BICRAL: variants seen among roughly 807,000 people sequenced by gnomAD.
BICRAL encodes the protein BICRA like chromatin remodeling complex associated protein.
A neutral mutation model predicts 91.8 loss-of-function variants in BICRAL; 8 were observed. The observed-to-expected ratio is 0.09, with a 90% CI of 0.05 to 0.16. The LOEUF (loss-of-function observed/expected upper bound fraction) is 0.16, where lower values mean the gene tolerates loss of function less well. Ranked by LOEUF, BICRAL falls within the 10% of genes least tolerant of loss-of-function variation. The pLI is 1.00. For synonymous variants in BICRAL, 445 were observed against 491.1 expected, an observed-to-expected ratio of 0.91 and a Z score of 1.24; for missense variants, 1,038 against 1,310.9, an observed-to-expected ratio of 0.79 and a Z score of 3.21.
intron 1 of BICRAL, among the ~76,000 whole-genome samples, chr6:42,794,536 G>A (rs1763366844): frequency 6.6e-6 from 1 of 151,754 alleles, no homozygotes; most frequent in Non-Finnish European, 1.5e-5. Flanking sequence ...GACTACAGGT[G>A]TACTCCACCA....
chr6:42,760,070 G>A (rs913144485), intron 1 of BICRAL, among the ~76,000 whole-genome samples: 3 of 149,282 alleles, frequency 2.0e-5, no homozygotes, highest in African/African-American at 7.4e-5. Context: ...CATGGTGAAA[G>A]CCCGTCTGTA....
At chr6:42,799,486 G>A (rs906517228) in intron 1 of BICRAL, among the ~76,000 whole-genome samples, 9 of 151,720 alleles carry the variant, frequency 5.9e-5, no homozygotes, top group African/African-American at 1.9e-4. Context: ...AGTAGAGATG[G>A]GGTTTCACCG....
chr6:42,830,635 G>A (rs1444769765), intron 6 of BICRAL, among the ~76,000 whole-genome samples: 1 of 152,082 alleles, frequency 6.6e-6, no homozygotes, highest in East Asian at 1.9e-4. Context: ...GGGGGCAGGG[G>A]TAGGGGGTCT....
At chr6:42,828,281 G>A (rs1197226633) in intron 5 of BICRAL, among the ~76,000 whole-genome samples, 2 of 151,778 alleles carry the variant, frequency 1.3e-5, no homozygotes. Flanking sequence ...GGCGCCTGTA[G>A]TCCCAGCTAC....
chr6:42,784,066 C>T (rs911361875), intron 1 of BICRAL, among the ~76,000 whole-genome samples: 7 of 152,276 alleles, frequency 4.6e-5, no homozygotes, highest in Non-Finnish European at 1.0e-4. Context: ...TCTAAAACAA[C>T]CCTGAGGAGA....
chr6:42,841,490 C>T (rs912898628), intron 6 of BICRAL, among the ~76,000 whole-genome samples: 7 of 152,026 alleles, frequency 4.6e-5, no homozygotes, highest in Non-Finnish European at 8.8e-5. Flanking sequence ...CCCTGCCAAT[C>T]GCTCTGAATT....
intron 7 of BICRAL, chr6:42,852,521 G>T (rs1318172084): frequency 4.7e-6 from 2 of 422,360 alleles, no homozygotes; most frequent in East Asian, 6.5e-5. Flanking sequence ...AATTAGCCAG[G>T]CATGGTGGCA....
chr6:42,749,321 A>G (rs540739607), intron 1 of BICRAL, among the ~76,000 whole-genome samples: 4 of 152,220 alleles, frequency 2.6e-5, no homozygotes, highest in Admixed American at 6.5e-5. Flanking sequence ...TCTCACTCGT[A>G]TGTGGGAACT....
chr6:42,763,070 A>G (rs1267811552), intron 1 of BICRAL, among the ~76,000 whole-genome samples: 1 of 152,218 alleles, frequency 6.6e-6, no homozygotes, highest in Non-Finnish European at 1.5e-5. Flanking sequence ...AGTAGAACAG[A>G]TTCTCTGGGT....
intron 12 of BICRAL, among the ~76,000 whole-genome samples, chr6:42,863,066 T>C (rs1765602189): frequency 1.3e-5 from 2 of 151,196 alleles, no homozygotes; most frequent in South Asian, 2.1e-4. Context: ...TTTTTTTTTT[T>C]TGAGACGGAG....
In BICRAL at chr6:42,822,844, T is replaced by C. The variant is rs778035209; in HGVS notation, c.90T>C (p.Ser30=). Residue 30 remains serine (S), a splice_region_variant and synonymous_variant, in exon 4 of 13, where the codon TCT becomes TCC. Transcript: ENST00000314073. Reference sequence around the variant, plus strand: ...TTCTACATGGACCTAGTAATAAATCTGTAAGTAATGCATAGAATACCACAG... The same window carrying C: ...TTCTACATGGACCTAGTAATAAATCCGTAAGTAATGCATAGAATACCACAG... ...NYFLHGPSNK[S]SNDDLTNAGY... 4 of 1,555,520 alleles carry C rather than the reference T, an allele frequency of 2.6e-6. No homozygotes were observed. The highest frequency in any genetic ancestry group is 4.5e-5 in the East Asian group (2 of 44,528).
chr6:42,859,094 CAG>C lies in BICRAL; in HGVS notation c.2255-1167_2255-1166del, dbSNP rs200083445. On this transcript the variant is annotated intron_variant, in intron 10 of 12. Coordinates refer to ENST00000314073, the MANE Select transcript of BICRAL (RefSeq NM_001393499.1). ...AATAGGGTCAAGATCCAGCGTTAAA[CAG>C]GGGGTGTGAAAGGGCTGGGCATGGT... 8.0e-3 allele frequency among the ~76,000 whole-genome samples: 1,221 copies of C among 152,106 alleles called. 16 individuals carry two copies. Among genetic ancestry groups the C allele is most frequent in the African/African-American group, 0.02 (845 of 41,514 alleles).
Position 42,866,449 on chromosome 6 carries a change from A to T in BICRAL, c.*1003A>T, listed in dbSNP as rs1190356281. 1.1e-5 allele frequency: 2 copies of T among 182,444 alleles called. No individual in the cohort carries two copies. Among genetic ancestry groups the T allele is most frequent in the Non-Finnish European group, 2.3e-5 (2 of 85,366 alleles). 11.3% of individuals were successfully genotyped at this position (182,444 alleles called of 1,614,324 possible). On this transcript the variant is annotated 3_prime_UTR_variant, in exon 13 of 13. Coordinates refer to ENST00000314073, the MANE Select transcript of BICRAL (RefSeq NM_001393499.1). The stretch of plus-strand genomic sequence containing the variant: ...TTTGTTTCATTTAACCTCTCTTTGC[A>T]CCCTCTCCCACAACAAATACCAAGC...
intron 1 of BICRAL, among the ~76,000 whole-genome samples, chr6:42,805,439 G>T (rs1032455479): frequency 6.6e-6 from 1 of 152,158 alleles, no homozygotes; most frequent in African/African-American, 2.4e-5. Context: ...GGTCTCCAAA[G>T]TAAGAAAAAT....
intron 1 of BICRAL, among the ~76,000 whole-genome samples, chr6:42,788,429 C>T (rs60153551): frequency 0.014 from 2,134 of 152,024 alleles, 43 homozygotes; most frequent in African/African-American, 0.049. Flanking sequence ...ACCATGTTAG[C>T]CAGGCTGGTC....
In BICRAL at chr6:42,820,773, A is replaced by C. The variant is rs143548618; in HGVS notation, c.-5-1245A>C. 3.5e-3 allele frequency among the ~76,000 whole-genome samples: 531 copies of C among 152,108 alleles called. 7 individuals are homozygous for C. Among genetic ancestry groups the C allele is most frequent in the Non-Finnish European group, 2.9e-3 (195 of 67,986 alleles). On this transcript the variant is annotated intron_variant, in intron 2 of 12. Coordinates refer to ENST00000314073, the MANE Select transcript of BICRAL (RefSeq NM_001393499.1). ...TCATTTCTCCTCTCCACTGGATTCT[A>C]CTCACAGGGTTTGTAATCTCCCAGA...
At chr6:42,844,240 G>A (rs890830885) in intron 6 of BICRAL, among the ~76,000 whole-genome samples, 2 of 150,274 alleles carry the variant, frequency 1.3e-5, no homozygotes, top group African/African-American at 4.9e-5. Context: ...GGCTTGGCAC[G>A]GTGGCTCACG....
At chr6:42,831,688 T>G (rs1278025768) in intron 6 of BICRAL, among the ~76,000 whole-genome samples, 1 of 151,584 alleles carries the variant, frequency 6.6e-6, no homozygotes, top group Non-Finnish European at 1.5e-5. Flanking sequence ...TTTCTCCTCC[T>G]CCACATTCAG....
intron 1 of BICRAL, among the ~76,000 whole-genome samples, chr6:42,754,292 C>T (rs1239713167): frequency 6.6e-6 from 1 of 152,052 alleles, no homozygotes. Flanking sequence ...CTGTCTCAGC[C>T]TCCCGAGTAG....
Sources: gnomAD v4.1 joint callset for allele counts (sites outside exome capture counted in the v4.1 genomes callset) on GRCh38, gnomAD v4.1.1 for gene constraint, MANE v1.5 for transcripts, NCBI Gene and HGNC (gene_info 2026-07-23, HGNC 2026-07-21) for gene names.